The following RTN4 variants were observed in gnomAD, a reference collection of about 807,000 sequenced individuals.
The protein encoded by RTN4 is reticulon 4.
A neutral mutation model predicts 90.4 loss-of-function variants in RTN4; 32 were observed. The ratio of observed to expected loss-of-function variants is 0.35; its 90% CI spans 0.27 to 0.48. RTN4 has a LOEUF of 0.48. Among genes scored for constraint, RTN4 ranks in the 20% least tolerant of loss-of-function variants. The pLI is 0.99. For synonymous variants in RTN4, 629 were observed against 552.5 expected, an observed-to-expected ratio of 1.14 and a Z score of -1.94; for missense variants, 1,706 against 1,430.2, an observed-to-expected ratio of 1.19 and a Z score of -3.11.
At chr2:55,070,463 T>C (rs896269339) in intron 2 of RTN4, among the ~76,000 whole-genome samples, 2 of 149,576 alleles carry the variant, frequency 1.3e-5, no homozygotes, top group Admixed American at 6.7e-5. Flanking sequence ...AGAGGATCAC[T>C]TGGGCCCAAG....
chr2:55,115,778 C>A, upstream of RTN4, among the ~76,000 whole-genome samples: 1 of 152,322 alleles, frequency 6.6e-6, no homozygotes, highest in East Asian at 1.9e-4. Flanking sequence ...GGAAATCTAG[C>A]AACTTGTATA....
chr2:55,081,946 A>G, intron 1 of RTN4, among the ~76,000 whole-genome samples: 1 of 151,860 alleles, frequency 6.6e-6, no homozygotes, highest in Admixed American at 6.6e-5. Context: ...ATTTTTATCA[A>G]ATATGATGAA....
intron 3 of RTN4, among the ~76,000 whole-genome samples, chr2:54,998,957 G>A (rs550622201): frequency 4.4e-4 from 67 of 152,248 alleles, no homozygotes; most frequent in African/African-American, 1.5e-3. Context: ...ACCCTATTCT[G>A]TGGCCTCAAC....
At chr2:54,986,190 T>C (rs1463490469) in intron 4 of RTN4, among the ~76,000 whole-genome samples, 1 of 152,180 alleles carries the variant, frequency 6.6e-6, no homozygotes, top group Non-Finnish European at 1.5e-5. Context: ...GGCCGGTGCA[T>C]TTTCTTTTGT....
At position 55,079,158 on chromosome 2, in the gene RTN4, A is replaced by G. The variant is rs1668657309; in HGVS notation, c.-63+1331T>C. Among the ~76,000 whole-genome samples the G allele has an allele frequency of 2.0e-5, 3 of 152,344 alleles. No homozygotes were observed. The South Asian group carries it at 6.2e-4, about 32-fold the overall frequency. On this transcript the variant is annotated intron_variant, in intron 2 of 3. Transcript: ENST00000427710. ...ACTGATTGATCTATAAGGCAAAGAC[A>G]AGGGAAGGGCCAAAGAGGTTGCCAA...
chr2:55,081,720 G>A (rs534172015), intron 1 of RTN4, among the ~76,000 whole-genome samples: 1 of 151,928 alleles, frequency 6.6e-6, no homozygotes, highest in East Asian at 1.9e-4. Context: ...TTAATTACCT[G>A]AGCATGATAG....
chr2:55,044,118 C>T (rs541179412), intron 1 of RTN4, among the ~76,000 whole-genome samples: 167 of 152,080 alleles, frequency 1.1e-3, no homozygotes, highest in African/African-American at 3.9e-3. Context: ...ATCACTTGAG[C>T]CCAGAAGATG....
chr2:55,114,921 T>C (rs1360079884), upstream of RTN4, among the ~76,000 whole-genome samples: 1 of 151,762 alleles, frequency 6.6e-6, no homozygotes, highest in Non-Finnish European at 1.5e-5. Flanking sequence ...CCTTACGAGA[T>C]AGAGGTATTT....
chr2:55,031,666 A>C (rs1346263786), intron 1 of RTN4, among the ~76,000 whole-genome samples: 1 of 152,222 alleles, frequency 6.6e-6, no homozygotes, highest in Non-Finnish European at 1.5e-5. Flanking sequence ...TCTAAGCCTA[A>C]AGGATACTCT....
intron 1 of RTN4, among the ~76,000 whole-genome samples, chr2:55,048,490 G>A (rs533347799): frequency 1.3e-5 from 2 of 151,164 alleles, no homozygotes; most frequent in East Asian, 3.9e-4. Flanking sequence ...TATTCTATAA[G>A]CTTTTTTCTA....
At chr2:55,009,052 C>A (rs966935448) in intron 3 of RTN4, among the ~76,000 whole-genome samples, 13 of 152,128 alleles carry the variant, frequency 8.5e-5, no homozygotes, top group African/African-American at 3.1e-4. Context: ...TGGTCTCAAT[C>A]TTAAATTCAC....
chr2:55,085,735 T>C (rs1668825447), intron 1 of RTN4, among the ~76,000 whole-genome samples: 1 of 152,198 alleles, frequency 6.6e-6, no homozygotes, highest in Non-Finnish European at 1.5e-5. Flanking sequence ...GTATTTCACA[T>C]CCTGAAACAC....
At chr2:55,013,284 A>G (rs1680778964) in intron 3 of RTN4, among the ~76,000 whole-genome samples, 1 of 152,168 alleles carries the variant, frequency 6.6e-6, no homozygotes, top group Non-Finnish European at 1.5e-5. Flanking sequence ...TTCAAAGTTC[A>G]TATTTGGCAA....
chr2:55,127,127 T>G, the RTN4 span, among the ~76,000 whole-genome samples: 1 of 152,178 alleles, frequency 6.6e-6, no homozygotes. Flanking sequence ...TTTATCTATG[T>G]AACAAATCTT....
At chr2:55,021,189 T>A (rs1681401955) in intron 3 of RTN4, among the ~76,000 whole-genome samples, 1 of 152,184 alleles carries the variant, frequency 6.6e-6, no homozygotes, top group African/African-American at 2.4e-5. Context: ...TTCCCTTATG[T>A]TTTATCAGAC....
chr2:55,119,500 CA>C, the RTN4 span, among the ~76,000 whole-genome samples: 1 of 152,174 alleles, frequency 6.6e-6, no homozygotes, highest in Non-Finnish European at 1.5e-5. Context: ...ATAGGGGACA[CA>C]GACTTATTGG....
intron 1 of RTN4, among the ~76,000 whole-genome samples, chr2:55,101,726 T>C (rs1401487828): frequency 6.6e-6 from 1 of 152,132 alleles, no homozygotes; most frequent in African/African-American, 2.4e-5. Flanking sequence ...GAACCAGCCC[T>C]GTGGATATCC....
the RTN4 span, among the ~76,000 whole-genome samples, chr2:55,134,143 A>G: frequency 6.6e-6 from 1 of 152,216 alleles, no homozygotes; most frequent in Non-Finnish European, 1.5e-5. Context: ...CATTTCCTTT[A>G]GTATGCTAAT....
In RTN4 at chr2:55,097,629, C is replaced by T. The variant is rs114044844; in HGVS notation, c.-214+14891G>A. ...AGACTGTCAGAGGTAGAGCTGCAGA[C>T]GCCACCCAGGCCTCTAAGGATTCTA... On this transcript the variant is annotated intron_variant, in intron 1 of 3. Coordinates refer to the RTN4 transcript ENST00000427710. 7.1e-3 allele frequency among the ~76,000 whole-genome samples: 1,087 copies of T among 152,196 alleles called. 8 individuals are homozygous for T. Among genetic ancestry groups the T allele is most frequent in the Non-Finnish European group, 9.9e-3 (674 of 68,012 alleles).
Sources: allele counts gnomAD v4.1 joint callset (sites outside exome capture counted in the v4.1 genomes callset), GRCh38; gene constraint gnomAD v4.1.1; transcripts MANE v1.5; gene names NCBI Gene and HGNC (gene_info 2026-07-23, HGNC 2026-07-21).